MSRB3: variants seen among roughly 807,000 people sequenced by gnomAD.
MSRB3 encodes methionine sulfoxide reductase B3.
Under a neutral mutation model 21.0 loss-of-function variants are expected in MSRB3, and 13 were observed. The observed-to-expected ratio is 0.62, with a 90% CI of 0.40 to 0.98. The LOEUF is 0.98. Among genes scored for constraint, MSRB3 ranks in the 50% least tolerant of loss-of-function variants. MSRB3 has a pLI of 0.00. For synonymous variants in MSRB3, 87 were observed against 88.6 expected, an observed-to-expected ratio of 0.98 and a Z score of 0.10; for missense variants, 199 against 230.3, an observed-to-expected ratio of 0.86 and a Z score of 0.88.
chr12:65,399,326 A>C (rs565548044), intron 5 of MSRB3, among the ~76,000 whole-genome samples: 54 of 152,206 alleles, frequency 3.5e-4, no homozygotes, highest in Non-Finnish European at 6.6e-4. Flanking sequence ...CTTCACAACC[A>C]TTGTAAGTTG....
At chr12:65,311,749 C>G (rs1279787619) in intron 2 of MSRB3, among the ~76,000 whole-genome samples, 4 of 151,850 alleles carry the variant, frequency 2.6e-5, no homozygotes, top group East Asian at 1.9e-4. Context: ...TAACCAGTAC[C>G]CTACTAATTT....
At chr12:65,279,156 A>C in intron 1 of MSRB3, 1 of 1,082,974 alleles carries the variant, frequency 9.2e-7, no homozygotes, top group Non-Finnish European at 1.2e-6. Flanking sequence ...AGCGAACCTG[A>C]ACCCGCGGGA....
At chr12:65,371,601 T>A (rs920424169) in intron 5 of MSRB3, among the ~76,000 whole-genome samples, 2 of 144,744 alleles carry the variant, frequency 1.4e-5, no homozygotes, top group African/African-American at 2.6e-5. Context: ...GTGTGTGTAC[T>A]CACACACCCA....
chr12:65,433,660 C>T (rs893916417), intron 5 of MSRB3, among the ~76,000 whole-genome samples: 3 of 151,920 alleles, frequency 2.0e-5, no homozygotes, highest in Non-Finnish European at 4.4e-5. Context: ...TGATAGCTTT[C>T]CTAGCTTTCA....
intron 5 of MSRB3, among the ~76,000 whole-genome samples, chr12:65,389,195 C>T (rs1435269732): frequency 6.6e-6 from 1 of 152,176 alleles, no homozygotes; most frequent in Non-Finnish European, 1.5e-5. Flanking sequence ...CTTATATTAC[C>T]CCATAGCTTC....
At chr12:65,358,094 T>A (rs995801309) in intron 4 of MSRB3, among the ~76,000 whole-genome samples, 21 of 151,866 alleles carry the variant, frequency 1.4e-4, no homozygotes, top group Admixed American at 4.6e-4. Context: ...AGTCTCTTTT[T>A]CTCTTTTATT....
intron 2 of MSRB3, among the ~76,000 whole-genome samples, chr12:65,317,313 G>C (rs768773330): frequency 1.3e-5 from 2 of 152,064 alleles, no homozygotes; most frequent in Non-Finnish European, 2.9e-5. Context: ...TTACCATCTT[G>C]GTAATCTGGA....
chr12:65,413,705 G>A (rs1178552547), intron 5 of MSRB3, among the ~76,000 whole-genome samples: 1 of 152,112 alleles, frequency 6.6e-6, no homozygotes, highest in East Asian at 1.9e-4. Flanking sequence ...CTAGTTGGGG[G>A]CAGGAGACAG....
chr12:65,335,451 A>G (rs991168629), intron 4 of MSRB3, among the ~76,000 whole-genome samples: 2 of 152,186 alleles, frequency 1.3e-5, no homozygotes, highest in Admixed American at 1.3e-4. Flanking sequence ...CAGAAAATTT[A>G]AGCCATTTTT....
chr12:65,420,769 A>T (rs1327786526), intron 5 of MSRB3, among the ~76,000 whole-genome samples: 5 of 152,170 alleles, frequency 3.3e-5, no homozygotes, highest in African/African-American at 1.2e-4. Context: ...AATGGCCTCC[A>T]GCTCCATCCA....
chr12:65,416,393 A>G (rs1288196467), intron 5 of MSRB3, among the ~76,000 whole-genome samples: 2 of 152,156 alleles, frequency 1.3e-5, no homozygotes. Flanking sequence ...AATCTTTGTG[A>G]TCCCATGTAA....
intron 5 of MSRB3, among the ~76,000 whole-genome samples, chr12:65,422,849 T>C (rs34196391): frequency 1.9e-4 from 29 of 152,204 alleles, no homozygotes; most frequent in Non-Finnish European, 3.4e-4. Context: ...TTTTGAGTGG[T>C]TCATTATTAG....
chr12:65,345,550 T>G (rs1038611147), intron 4 of MSRB3, among the ~76,000 whole-genome samples: 2 of 152,036 alleles, frequency 1.3e-5, no homozygotes, highest in Non-Finnish European at 2.9e-5. Flanking sequence ...ATAACACACG[T>G]AGGAAATGCT....
chr12:65,392,316 T>A (rs530671119), intron 5 of MSRB3, among the ~76,000 whole-genome samples: 1 of 152,192 alleles, frequency 6.6e-6, no homozygotes, highest in Non-Finnish European at 1.5e-5. Flanking sequence ...AAATAGTGGA[T>A]GTCTATTTTT....
Position 65,463,446 on chromosome 12 carries a change from T to G in MSRB3, c.*124T>G. ...AGGGCAGTTTTGTGCTATTGATATT[T>G]TTTCTTCTTTTGCTTAAACAGAAGC... On this transcript the variant is annotated 3_prime_UTR_variant, in exon 7 of 7. Transcript: ENST00000308259. 8.1e-7 allele frequency: 1 copy of G among 1,231,516 alleles called. No individual in the cohort carries two copies. The highest frequency in any genetic ancestry group is 1.1e-6 in the Non-Finnish European group (1 of 891,236). The allele number at this position is 1,231,516 out of a possible 1,614,324, so 76.3% of individuals were successfully genotyped here.
chr12:65,463,012 T>C (rs936497129), intron 6 of MSRB3, 143 bp from the exon 7 acceptor site: 17 of 1,017,230 alleles, frequency 1.7e-5, no homozygotes, highest in African/African-American at 1.4e-4. Context: ...TTTGCGGCTA[T>C]TGACAGGCGG....
intron 3 of MSRB3, among the ~76,000 whole-genome samples, chr12:65,327,230 T>G (rs959908793): frequency 1.2e-4 from 19 of 152,248 alleles, no homozygotes; most frequent in African/African-American, 4.3e-4. Flanking sequence ...TTAGGTACAT[T>G]TTTTGGGAAG....
At chr12:65,317,265 C>A (rs1406453747) in intron 2 of MSRB3, among the ~76,000 whole-genome samples, 2 of 152,154 alleles carry the variant, frequency 1.3e-5, no homozygotes, top group African/African-American at 4.8e-5. Flanking sequence ...ACATACTACC[C>A]TATTGCATAA....
intron 4 of MSRB3, among the ~76,000 whole-genome samples, chr12:65,332,977 T>C (rs947450069): frequency 6.6e-6 from 1 of 152,220 alleles, no homozygotes; most frequent in African/African-American, 2.4e-5. Flanking sequence ...TTATTTCTCA[T>C]ATAGTACTAC....
Sources: allele counts gnomAD v4.1 joint callset (sites outside exome capture counted in the v4.1 genomes callset), GRCh38; gene constraint gnomAD v4.1.1; transcripts MANE v1.5; gene names NCBI Gene and HGNC (gene_info 2026-07-23, HGNC 2026-07-21).